The following PRKG1 variants were observed in gnomAD, a reference collection of about 807,000 sequenced individuals.
PRKG1 encodes the protein protein kinase cGMP-dependent 1, also known as cGMP-dependent protein kinase 1.
In PRKG1, 35 loss-of-function variants were observed where a neutral mutation model predicts 88.1. The observed-to-expected ratio is 0.40, with a 90% CI of 0.30 to 0.53. The LOEUF is 0.53. Ranked by LOEUF, PRKG1 falls within the 20% of genes least tolerant of loss-of-function variation. The pLI is 0.59. For synonymous variants in PRKG1, 303 were observed against 292.5 expected (o/e 1.04, Z -0.37); for missense variants, 540 against 839.8 (o/e 0.64, Z 4.41).
intron 3 of PRKG1, among the ~76,000 whole-genome samples, chr10:51,538,429 G>T (rs955578424): frequency 5.4e-5 from 8 of 148,134 alleles, no homozygotes; most frequent in African/African-American, 2.0e-4. Flanking sequence ...TATGATATAT[G>T]ATATATAATA....
At chr10:51,545,955 C>G (rs563602850) in intron 3 of PRKG1, among the ~76,000 whole-genome samples, 26 of 151,568 alleles carry the variant, frequency 1.7e-4, no homozygotes, top group Non-Finnish European at 1.5e-4. Context: ...AGCTGCATGG[C>G]TCCCATTTAT....
At chr10:51,132,520 A>G (rs1317799635) in intron 1 of PRKG1, among the ~76,000 whole-genome samples, 3 of 151,870 alleles carry the variant, frequency 2.0e-5, no homozygotes, top group African/African-American at 4.8e-5. Context: ...AAACTTTATT[A>G]TTAAAATGTA....
chr10:51,949,950 T>A (rs532125272), intron 5 of PRKG1, among the ~76,000 whole-genome samples: 35 of 152,298 alleles, frequency 2.3e-4, no homozygotes, highest in South Asian at 1.5e-3. Context: ...TGGGTGAAGA[T>A]TTCAAGGAAA....
At chr10:51,783,948 G>T (rs759951315) in intron 3 of PRKG1, among the ~76,000 whole-genome samples, 16 of 152,270 alleles carry the variant, frequency 1.1e-4, no homozygotes, top group Non-Finnish European at 2.1e-4. Flanking sequence ...TCTTGCAAAA[G>T]TGGCTAATTC....
intron 3 of PRKG1, among the ~76,000 whole-genome samples, chr10:51,735,854 CATATATATATAT>C (rs146700314): frequency 1.8e-5 from 2 of 114,206 alleles, no homozygotes; most frequent in East Asian, 2.8e-4. Flanking sequence ...GGCCTGACTG[CATATATATATAT>C]ATATATATAT....
At chr10:51,890,325 A>T (rs10999963) in intron 4 of PRKG1, among the ~76,000 whole-genome samples, 35,048 of 152,092 alleles carry the variant, frequency 0.23, 4,257 homozygotes, top group Admixed American at 0.32. Context: ...ATGACATTTG[A>T]CTCCAGAAAT....
intron 2 of PRKG1, among the ~76,000 whole-genome samples, chr10:51,161,278 T>G (rs148451323): frequency 8.1e-4 from 124 of 152,270 alleles, no homozygotes; most frequent in Middle Eastern, 3.4e-3. Flanking sequence ...ATATGTACCA[T>G]TAGAAAGTAA....
chr10:51,230,319 G>A lies in PRKG1; in HGVS notation c.478+76989G>A, dbSNP rs919231130. Among the ~76,000 whole-genome samples, 3 of 152,142 alleles carry A rather than the reference G, an allele frequency of 2.0e-5. 1 individual carries two copies. The South Asian group carries it at 6.2e-4, about 31-fold the overall frequency. ...CTTTCTGGGAGATACTCAAAGCATT[G>A]GCACTAATGGGTACCTCTGGGAATT... On this transcript the variant is annotated intron_variant, in intron 2 of 17. Transcript: ENST00000373980.
chr10:51,448,638 A>G (rs1469364077), intron 2 of PRKG1, among the ~76,000 whole-genome samples: 1 of 152,056 alleles, frequency 6.6e-6, no homozygotes, highest in Non-Finnish European at 1.5e-5. Flanking sequence ...TTTCTGTGCC[A>G]TTATCTTCTT....
intron 3 of PRKG1, among the ~76,000 whole-genome samples, chr10:51,667,662 A>T (rs554031054): frequency 2.1e-4 from 32 of 152,278 alleles, no homozygotes; most frequent in Admixed American, 4.6e-4. Context: ...AATCTTATTC[A>T]TCTAGTCTTG....
At chr10:51,009,597 A>C (rs1842971319) in intron 1 of PRKG1, among the ~76,000 whole-genome samples, 1 of 152,238 alleles carries the variant, frequency 6.6e-6, no homozygotes, top group Admixed American at 6.5e-5. Flanking sequence ...CTAGTTGAAT[A>C]GTCTTATTAG....
At chr10:51,539,949 C>T (rs1842259671) in intron 3 of PRKG1, among the ~76,000 whole-genome samples, 1 of 152,026 alleles carries the variant, frequency 6.6e-6, no homozygotes, top group Non-Finnish European at 1.5e-5. Flanking sequence ...CTTCTTTTGC[C>T]TTCACTAAAA....
At chr10:51,386,731 G>T (rs1564471614) in intron 2 of PRKG1, among the ~76,000 whole-genome samples, 1 of 152,096 alleles carries the variant, frequency 6.6e-6, no homozygotes, top group Non-Finnish European at 1.5e-5. Context: ...AATTGTCTAG[G>T]CATCCCATGG....
At chr10:51,053,762 G>A (rs1843594494) in intron 1 of PRKG1, among the ~76,000 whole-genome samples, 1 of 137,590 alleles carries the variant, frequency 7.3e-6, no homozygotes, top group South Asian at 2.4e-4. Context: ...GTGTTCAGTA[G>A]TTATGGGTTT....
chr10:51,325,814 T>G (rs1841576584), intron 2 of PRKG1, among the ~76,000 whole-genome samples: 1 of 152,150 alleles, frequency 6.6e-6, no homozygotes, highest in African/African-American at 2.4e-5. Flanking sequence ...GGTCCCCCAG[T>G]GTTGGCCTGA....
At chr10:52,214,207 C>CA (rs966057685) in intron 9 of PRKG1, among the ~76,000 whole-genome samples, 9 of 152,008 alleles carry the variant, frequency 5.9e-5, no homozygotes, top group Non-Finnish European at 2.9e-5. Flanking sequence ...TGCTGACACC[C>CA]AAAAGTGCAA....
intron 3 of PRKG1, among the ~76,000 whole-genome samples, chr10:51,629,234 G>A (rs1839462377): frequency 6.6e-6 from 1 of 152,046 alleles, no homozygotes; most frequent in African/African-American, 2.4e-5. Context: ...CTAAAGCAGT[G>A]TTCCCCAACC....
chr10:52,131,958 G>T (rs1837278539), intron 7 of PRKG1, among the ~76,000 whole-genome samples: 1 of 151,810 alleles, frequency 6.6e-6, no homozygotes, highest in Non-Finnish European at 1.5e-5. Flanking sequence ...GTAGTATGGT[G>T]GGTGGATTAA....
chr10:51,449,840 A>G (rs1480491867), intron 2 of PRKG1, among the ~76,000 whole-genome samples: 1 of 151,390 alleles, frequency 6.6e-6, no homozygotes, highest in Non-Finnish European at 1.5e-5. Context: ...TTCCTTTTTT[A>G]ATTTACTTTT....
Sources: gnomAD v4.1 joint callset for allele counts (sites outside exome capture counted in the v4.1 genomes callset) on GRCh38, gnomAD v4.1.1 for gene constraint, MANE v1.5 for transcripts, NCBI Gene and HGNC (gene_info 2026-07-23, HGNC 2026-07-21) for gene names.